Variants in KIF18A observed in about 807,000 individuals in gnomAD.
The protein encoded by KIF18A is kinesin-like protein KIF18A.
Under a neutral mutation model 103.3 loss-of-function variants are expected in KIF18A, and 67 were observed. That is an observed-to-expected ratio of 0.65 (90% CI 0.53 to 0.79). The LOEUF is 0.79. Among genes scored for constraint, KIF18A ranks in the 30% least tolerant of loss-of-function variants. The probability of loss-of-function intolerance (pLI) is 0.00; values close to 1 mark genes in which losing one functional copy is unlikely to be tolerated. For synonymous variants in KIF18A, 367 were observed against 355.5 expected, an observed-to-expected ratio of 1.03 and a Z score of -0.36; for missense variants, 1,032 against 1,062.5, an observed-to-expected ratio of 0.97 and a Z score of 0.40.
chr11:28,083,449 A>G (rs1219438824), intron 7 of KIF18A, among the ~76,000 whole-genome samples: 1 of 152,130 alleles, frequency 6.6e-6, no homozygotes, highest in Non-Finnish European at 1.5e-5. Flanking sequence ...CTTTATTGAG[A>G]AAAGGTATTT....
chr11:28,083,184 A>G lies in KIF18A; in HGVS notation c.1134T>C (p.Asn378=). The part of the protein sequence containing the change: ...NHITQYVKIC[N]EQKAEILLLK... ...ACAGACATACCTCTGCCTTCTGCTC[A>G]TTACAGATCTTTACATATTGAGTTA... Residue 378 remains asparagine, a synonymous_variant, in exon 8 of 17, where the codon AAT becomes AAC. Coordinates refer to ENST00000263181, the MANE Select transcript of KIF18A (RefSeq NM_031217.4). 1 of 1,574,130 alleles carries G rather than the reference A, an allele frequency of 6.4e-7. No homozygotes were observed.
rs760235748 is a variant in KIF18A at position 28,084,797 on chromosome 11, C to T, written c.909G>A (p.Gln303=). The T allele has an allele frequency of 5.0e-6, 8 of 1,608,584 alleles. No homozygotes were observed. The highest frequency in any genetic ancestry group is 6.8e-6 in the Non-Finnish European group (8 of 1,177,716). ...GCTTACTATTTCTGTAAGGGATATGCTGATTCTTTCTCTGAAAGCACAAAA... is the reference window on the plus strand; with the variant it reads ...GCTTACTATTTCTGTAAGGGATATGTTGATTCTTTCTCTGAAAGCACAAAA... ...NALADSKRKN[Q]HIPYRNSKLT... is the part of the protein sequence containing the mutation. The change falls in exon 7 of 17, where the codon CAG becomes CAA. Residue 303 remains glutamine (Q), a synonymous_variant. Transcript: ENST00000263181.
chr11:28,079,749 T>C (rs75667501), intron 9 of KIF18A, among the ~76,000 whole-genome samples: 5,058 of 142,662 alleles, frequency 0.035, 283 homozygotes, highest in African/African-American at 0.12. Context: ...GGAAGTTTCC[T>C]AGATTCCTTA....
At chr11:28,039,867 T>C (rs1193694978) in intron 13 of KIF18A, among the ~76,000 whole-genome samples, 1 of 151,702 alleles carries the variant, frequency 6.6e-6, no homozygotes, top group Non-Finnish European at 1.5e-5. Context: ...ACACACAACA[T>C]GTATATGATA....
chr11:28,066,194 A>C (rs1170271169), intron 11 of KIF18A, among the ~76,000 whole-genome samples: 1 of 152,072 alleles, frequency 6.6e-6, no homozygotes, highest in African/African-American at 2.4e-5. Flanking sequence ...TGCTTTAGAT[A>C]TACAGTCTCC....
chr11:28,022,926 T>A (rs1850265425), intron 16 of KIF18A, among the ~76,000 whole-genome samples: 1 of 152,210 alleles, frequency 6.6e-6, no homozygotes, highest in Admixed American at 6.5e-5. Flanking sequence ...TTTCATGTTA[T>A]CCTTAGAAAA....
chr11:28,059,845 A>G (rs1396642052), intron 12 of KIF18A, among the ~76,000 whole-genome samples: 4 of 152,088 alleles, frequency 2.6e-5, no homozygotes, highest in African/African-American at 9.7e-5. Context: ...TTAATATACT[A>G]TGTGAAATGA....
intron 1 of KIF18A, among the ~76,000 whole-genome samples, chr11:28,101,055 G>C (rs1163575210): frequency 6.6e-6 from 1 of 152,088 alleles, no homozygotes; most frequent in South Asian, 2.1e-4. Flanking sequence ...GCTTCTTCTT[G>C]CCAAAGAGAC....
intron 3 of KIF18A, 74 bp downstream of exon 3, chr11:28,094,569 T>C (rs1358753220): frequency 2.9e-6 from 3 of 1,035,360 alleles, no homozygotes; most frequent in Admixed American, 2.2e-5. Context: ...AAAACTCTTA[T>C]ATAATAAAAT....
chr11:28,040,190 A>G (rs1850540860), intron 13 of KIF18A, among the ~76,000 whole-genome samples: 1 of 151,770 alleles, frequency 6.6e-6, no homozygotes, highest in African/African-American at 2.4e-5. Flanking sequence ...TCCTTTAGCT[A>G]AGTTAGGTAA....
At chr11:28,032,022 GA>G (rs1206451143) in intron 15 of KIF18A, among the ~76,000 whole-genome samples, 6 of 150,938 alleles carry the variant, frequency 4.0e-5, no homozygotes, top group Non-Finnish European at 8.9e-5. Flanking sequence ...TGAGAACCTA[GA>G]AACAAATTCA....
chr11:28,100,235 T>C (rs1351219832), intron 1 of KIF18A, among the ~76,000 whole-genome samples: 1 of 151,998 alleles, frequency 6.6e-6, no homozygotes, highest in East Asian at 1.9e-4. Context: ...TCTCAGAGTT[T>C]TGACAGACAT....
At chr11:28,078,062 A>C (rs1454623330) in intron 9 of KIF18A, among the ~76,000 whole-genome samples, 2 of 152,204 alleles carry the variant, frequency 1.3e-5, no homozygotes, top group African/African-American at 2.4e-5. Flanking sequence ...GTAACAGTAT[A>C]AACATTCATA....
At chr11:28,033,870 A>G (rs1361805949) in intron 15 of KIF18A, among the ~76,000 whole-genome samples, 1 of 151,722 alleles carries the variant, frequency 6.6e-6, no homozygotes, top group Non-Finnish European at 1.5e-5. Context: ...TAGATTGTTT[A>G]TAACACAAAG....
chr11:28,026,122 T>A (rs1850315901), intron 15 of KIF18A, among the ~76,000 whole-genome samples: 1 of 151,762 alleles, frequency 6.6e-6, no homozygotes, highest in Admixed American at 6.6e-5. Context: ...GCTAATCAAT[T>A]TAGTAAAATA....
At chr11:28,062,635 G>GT (rs1850870373) in intron 11 of KIF18A, 119 bp from the exon 12 acceptor site, 1 of 734,278 alleles carries the variant, frequency 1.4e-6, no homozygotes, top group Non-Finnish European at 1.9e-6. Context: ...TAAATAATAT[G>GT]TTTAGAAACA....
At chr11:28,106,298 A>G (rs767671226) in intron 1 of KIF18A, among the ~76,000 whole-genome samples, 1 of 152,214 alleles carries the variant, frequency 6.6e-6, no homozygotes, top group South Asian at 2.1e-4. Flanking sequence ...AAGTAGAGTG[A>G]CAGTTATGAT....
intron 16 of KIF18A, among the ~76,000 whole-genome samples, chr11:28,021,997 C>G (rs1850251623): frequency 6.6e-6 from 1 of 152,248 alleles, no homozygotes; most frequent in East Asian, 1.9e-4. Context: ...TTGCCTTTTT[C>G]CCTACTGATG....
intron 3 of KIF18A, among the ~76,000 whole-genome samples, chr11:28,092,385 G>C (rs1851318231): frequency 6.6e-6 from 1 of 152,150 alleles, no homozygotes; most frequent in Non-Finnish European, 1.5e-5. Flanking sequence ...CCATTTGAAT[G>C]ATGAGGGAAC....
Sources: gnomAD v4.1 joint callset for allele counts (sites outside exome capture counted in the v4.1 genomes callset) on GRCh38, gnomAD v4.1.1 for gene constraint, MANE v1.5 for transcripts, NCBI Gene and HGNC (gene_info 2026-07-23, HGNC 2026-07-21) for gene names.